Variants in ALLC observed in about 807,000 individuals in gnomAD.
ALLC encodes allantoicase.
A neutral mutation model predicts 45.0 loss-of-function variants in ALLC; 40 were observed. The ratio of observed to expected loss-of-function variants is 0.89; its 90% CI spans 0.69 to 1.16. ALLC has a LOEUF of 1.16. ALLC is among the 50% of genes most tolerant of loss of function. The pLI is 0.00. For missense variants in ALLC, 488 were observed against 493.1 expected (o/e 0.99, Z 0.10); for synonymous variants, 176 against 178.1 (o/e 0.99, Z 0.09).
intron 6 of ALLC, 127 bp from the exon 7 acceptor site, chr2:3,682,815 G>A (rs557252659): frequency 3.5e-5 from 35 of 997,056 alleles, no homozygotes; most frequent in Admixed American, 7.9e-5. Context: ...GTGAGCCACC[G>A]TGCCCGGCAT....
At chr2:3,663,542 A>C (rs1201197922) in intron 1 of ALLC, among the ~76,000 whole-genome samples, 1 of 152,114 alleles carries the variant, frequency 6.6e-6, no homozygotes, top group Non-Finnish European at 1.5e-5. Context: ...CTACGGAACA[A>C]ACCTGCACAT....
upstream of ALLC, among the ~76,000 whole-genome samples, chr2:3,655,375 CAT>C (rs1264820591): frequency 2.6e-5 from 4 of 152,202 alleles, no homozygotes; most frequent in African/African-American, 7.2e-5. Context: ...CAGGCTGGCA[CAT>C]GTGTCCCAGG....
At chr2:3,662,926 GA>G (rs375425408) in intron 1 of ALLC, among the ~76,000 whole-genome samples, 377 of 152,294 alleles carry the variant, frequency 2.5e-3, no homozygotes, top group African/African-American at 8.6e-3. Flanking sequence ...GCAATGCTGC[GA>G]CCCCCAGTGT....
chr2:3,691,254 C>CTTT (rs1159806601), intron 7 of ALLC, among the ~76,000 whole-genome samples: 1 of 143,870 alleles, frequency 7.0e-6, no homozygotes. Flanking sequence ...TTATCCTTGA[C>CTTT]TTTTTTTTTT....
Position 3,695,866 on chromosome 2 carries a change from A to G in ALLC, c.661A>G (p.Ile221Val), listed in dbSNP as rs780750571. The G allele has an allele frequency of 1.4e-5, 23 of 1,606,882 alleles. No individual in the cohort carries two copies. In the African/African-American group the frequency reaches 2.1e-4, roughly 15 times the overall value. Residue 221 changes from isoleucine (I) to valine (V), a missense_variant, in exon 8 of 12, where the codon ATA becomes GTA. By Grantham distance (29) the Ile-to-Val change is conservative (BLOSUM62 3). Transcript: ENST00000252505. ...TGCTAAGTTTGGGCACCCAAACAAT[A>G]TAATAGGTAAGATGATATTCTTGGA... ...SNAKFGHPNN[I>V]IGVGGAKSMA...
At chr2:3,658,471 G>A (rs1024573795) in intron 1 of ALLC, among the ~76,000 whole-genome samples, 177 bp downstream of exon 1, 4 of 152,186 alleles carry the variant, frequency 2.6e-5, no homozygotes, top group East Asian at 1.9e-4. Context: ...GGTACCGGGC[G>A]TGGCCCAAAC....
chr2:3,701,724 G>C, intron 11 of ALLC, 88 bp downstream of exon 11: 1 of 1,421,240 alleles, frequency 7.0e-7, no homozygotes, highest in African/African-American at 1.4e-5. Context: ...ACGCTCCAAA[G>C]TTTCTGCTCA....
intron 1 of ALLC, among the ~76,000 whole-genome samples, chr2:3,666,369 G>A (rs1331722917): frequency 1.3e-5 from 2 of 152,252 alleles, no homozygotes; most frequent in Non-Finnish European, 2.9e-5. Context: ...AGCCTCTGCT[G>A]TGTGCCCGTG....
chr2:3,694,882 G>A (rs760740479), intron 7 of ALLC: 1 of 152,044 alleles, frequency 6.6e-6, no homozygotes, highest in African/African-American at 2.4e-5. Context: ...ATTAATATTC[G>A]AAGAAACAAA....
At chr2:3,673,753 T>G (rs955150319) in intron 2 of ALLC, among the ~76,000 whole-genome samples, 1 of 152,216 alleles carries the variant, frequency 6.6e-6, no homozygotes, top group Non-Finnish European at 1.5e-5. Flanking sequence ...TTGCTCGGTT[T>G]GTAAAAGTAG....
In ALLC at chr2:3,664,989, G is replaced by A. The variant is rs554329877; in HGVS notation, c.-62-6107G>A. On this transcript the variant is annotated intron_variant, in intron 1 of 11. Coordinates refer to ENST00000252505, the MANE Select transcript of ALLC (RefSeq NM_018436.4). ...GTCTTGAAAACTGTTATGATTTTTT[G>A]AGGTACCACAAATGGCACCTCAAAT... Among the ~76,000 whole-genome samples, 6 of 150,670 alleles carry A rather than the reference G, an allele frequency of 4.0e-5. No individual in the cohort carries two copies. In the South Asian group the frequency reaches 1.3e-3, roughly 32 times the overall value.
rs11379495 is a variant in ALLC at position 3,675,387 on chromosome 2, CAAA to C, written c.84+1278_84+1280del. ...CCTGGGTGACAGAGTAAGACCCTGT[CAAA>C]AAAAAAAAAAAAAAAGCAAGCTCTC... On this transcript the variant is annotated intron_variant, in intron 3 of 11. Coordinates refer to ENST00000252505, the MANE Select transcript of ALLC (RefSeq NM_018436.4). Among the ~76,000 whole-genome samples, 180 of 109,656 alleles carry C rather than the reference CAAA, an allele frequency of 1.6e-3. 1 individual carries two copies. The highest frequency in any genetic ancestry group is 3.5e-3 in the Admixed American group (37 of 10,570). The allele number at this position is 109,656 out of a possible 152,430, so 71.9% of individuals were successfully genotyped here. A position where few individuals can be genotyped will look rare whatever the true frequency, so the allele number is the denominator to read the frequency against.
the ALLC span, among the ~76,000 whole-genome samples, chr2:3,649,351 C>T: frequency 6.6e-6 from 1 of 151,882 alleles, no homozygotes; most frequent in South Asian, 2.1e-4. Context: ...ACGCCATTCT[C>T]CTGCCTCAGC....
intron 7 of ALLC, among the ~76,000 whole-genome samples, chr2:3,685,215 C>CCCCCCCTCCCCTCCCCTCCCCTCCCTTT (rs1553365928): frequency 6.7e-6 from 1 of 149,000 alleles, no homozygotes; most frequent in Non-Finnish European, 1.5e-5. Flanking sequence ...TCCACATCCT[C>CCCCCCCTCCCCTCCCCTCCCCTCCCTTT]GCTAGCATCC....
intron 7 of ALLC, among the ~76,000 whole-genome samples, chr2:3,694,154 G>A (rs901844495): frequency 6.6e-6 from 1 of 152,176 alleles, no homozygotes; most frequent in Non-Finnish European, 1.5e-5. Flanking sequence ...AGTTGAGGGA[G>A]GGTCTAAAAT....
intron 3 of ALLC, among the ~76,000 whole-genome samples, chr2:3,675,857 C>T (rs1388330989): frequency 6.6e-6 from 1 of 152,194 alleles, no homozygotes; most frequent in African/African-American, 2.4e-5. Flanking sequence ...GTGGCTTAAA[C>T]ACAGTGATTT....
chr2:3,662,941 G>A (rs1411988104), intron 1 of ALLC, among the ~76,000 whole-genome samples: 3 of 152,304 alleles, frequency 2.0e-5, no homozygotes, highest in African/African-American at 7.2e-5. Flanking sequence ...CCAGTGTGAT[G>A]GAAGAGCACT....
At chr2:3,651,439 GTGTTA>G in the ALLC span, among the ~76,000 whole-genome samples, 1 of 63,592 alleles carries the variant, frequency 1.6e-5, no homozygotes, top group Non-Finnish European at 3.7e-5. Context: ...GTGTGTGTGT[GTGTTA>G]GGAAGGGAGA....
the ALLC span, among the ~76,000 whole-genome samples, chr2:3,646,343 C>T: frequency 6.6e-6 from 1 of 152,222 alleles, no homozygotes; most frequent in Admixed American, 6.5e-5. Flanking sequence ...TAACAAAGTC[C>T]TTTATCTCTG....
Sources: gnomAD v4.1 joint callset for allele counts (sites outside exome capture counted in the v4.1 genomes callset) on GRCh38, gnomAD v4.1.1 for gene constraint, MANE v1.5 for transcripts, NCBI Gene and HGNC (gene_info 2026-07-23, HGNC 2026-07-21) for gene names.